The following PCLO variants were observed in gnomAD, a reference collection of about 807,000 sequenced individuals.
The protein encoded by PCLO is protein piccolo.
In PCLO, 82 loss-of-function variants were observed where a neutral mutation model predicts 427.5. The observed-to-expected ratio is 0.19, with a 90% CI of 0.16 to 0.23. The LOEUF (loss-of-function observed/expected upper bound fraction) is 0.23. Ranked by LOEUF, PCLO falls within the 10% of genes least tolerant of loss-of-function variation. The probability of loss-of-function intolerance (pLI) is 1.00; values close to 1 mark genes in which losing one functional copy is unlikely to be tolerated. For missense variants in PCLO, 6,239 were observed against 6,115.9 expected (o/e 1.02, Z -0.67); for synonymous variants, 2,357 against 2,155.4 (o/e 1.09, Z -2.59).
intron 3 of PCLO, among the ~76,000 whole-genome samples, chr7:83,013,628 T>G (rs2116008395): frequency 6.6e-6 from 1 of 152,304 alleles, no homozygotes; most frequent in Admixed American, 6.5e-5. Flanking sequence ...GATTTCACAG[T>G]AGGGTAGCCC....
At chr7:82,847,096 G>A in intron 11 of PCLO, 43 bp downstream of exon 11, 1 of 1,081,252 alleles carries the variant, frequency 9.2e-7, no homozygotes. Flanking sequence ...AAAGAGTCAT[G>A]GATAGCCAAA....
chr7:83,013,492 T>C (rs1392505419), intron 3 of PCLO, among the ~76,000 whole-genome samples: 1 of 152,172 alleles, frequency 6.6e-6, no homozygotes, highest in East Asian at 1.9e-4. Context: ...GTGCCTTGCA[T>C]AGTGTCTACA....
chr7:82,882,761 T>G (rs1265948266), intron 9 of PCLO, among the ~76,000 whole-genome samples: 17 of 152,112 alleles, frequency 1.1e-4, no homozygotes, highest in Admixed American at 1.0e-3. Flanking sequence ...TTATAAGTAT[T>G]TGATAAATAT....
chr7:83,083,792 T>C (rs1049726722), intron 3 of PCLO, among the ~76,000 whole-genome samples: 21 of 152,230 alleles, frequency 1.4e-4, no homozygotes, highest in Non-Finnish European at 1.3e-4. Flanking sequence ...TCAAACATAT[T>C]TGCAACTATT....
In PCLO at chr7:83,004,473, C is replaced by T. The variant is rs745923664; in HGVS notation, c.3301-37986G>A. 1.5e-4 allele frequency among the ~76,000 whole-genome samples: 14 copies of T among 91,710 alleles called. No individual in the cohort carries two copies. The South Asian group carries it at 1.6e-3, about 10-fold the overall frequency. The allele number at this position is 91,710 out of a possible 152,430, so 60.2% of individuals were successfully genotyped here. ...CCACATGAAAAATAATGAAATTGGACGCTTACACATGTGTCTTACACCATA... is the reference window on the plus strand; with the variant it reads ...CCACATGAAAAATAATGAAATTGGATGCTTACACATGTGTCTTACACCATA... On this transcript the variant is annotated intron_variant, in intron 3 of 24. Coordinates refer to ENST00000333891, the MANE Select transcript of PCLO (RefSeq NM_033026.6).
rs1266065993 is a variant in PCLO at position 82,949,806 on chromosome 7, T to C, written c.10782A>G (p.Thr3594=). 2 of 1,613,732 alleles carry C rather than the reference T, an allele frequency of 1.2e-6. No individual in the cohort carries two copies. Among genetic ancestry groups the C allele is most frequent in the East Asian group, 4.5e-5 (2 of 44,836 alleles). Residue 3594 remains threonine, a synonymous_variant, in exon 6 of 25, where the codon ACA becomes ACG. Coordinates refer to ENST00000333891, the MANE Select transcript of PCLO (RefSeq NM_033026.6). ...GAGATGAATAACCAATCTCTAAAGG[T>C]GTTGGGCGTTTCTTGTCTTTGGGTG... The part of the protein sequence containing the change: ...TSPPKDKKRP[T]PLEIGYSSHL...
intron 18 of PCLO, among the ~76,000 whole-genome samples, chr7:82,824,861 A>G (rs1791896514): frequency 6.6e-6 from 1 of 151,972 alleles, no homozygotes; most frequent in Non-Finnish European, 1.5e-5. Flanking sequence ...AGGCAGGAGA[A>G]TGGCATGAAC....
intron 20 of PCLO, among the ~76,000 whole-genome samples, chr7:82,818,936 C>T (rs1791733466): frequency 2.0e-5 from 3 of 152,156 alleles, no homozygotes; most frequent in Admixed American, 2.0e-4. Context: ...ACTTTTATCT[C>T]AACACTTATG....
intron 3 of PCLO, among the ~76,000 whole-genome samples, chr7:83,043,920 T>TTTTTTTTTTTTTTTTTC (rs1789038167): frequency 9.5e-6 from 1 of 105,170 alleles, no homozygotes; most frequent in Non-Finnish European, 2.0e-5. Flanking sequence ...TTCTTTTTTT[T>TTTTTTTTTTTTTTTTTC]TTTTTTTTTT....
chr7:82,923,161 ATGAT>A (rs899431224), intron 6 of PCLO, among the ~76,000 whole-genome samples: 5 of 152,056 alleles, frequency 3.3e-5, no homozygotes, highest in East Asian at 1.9e-4. Context: ...ATAAGAGAGA[ATGAT>A]TGATTAAGAT....
chr7:83,002,618 T>G (rs1787851483), intron 3 of PCLO, among the ~76,000 whole-genome samples: 1 of 151,930 alleles, frequency 6.6e-6, no homozygotes, highest in Non-Finnish European at 1.5e-5. Flanking sequence ...TTTAAAATAC[T>G]CAGAATTGTT....
intron 10 of PCLO, among the ~76,000 whole-genome samples, chr7:82,853,110 C>A (rs1792708212): frequency 6.6e-6 from 1 of 152,044 alleles, no homozygotes; most frequent in Non-Finnish European, 1.5e-5. Context: ...TCTCTTTACC[C>A]ATTTATAAAA....
intron 2 of PCLO, among the ~76,000 whole-genome samples, chr7:83,140,704 G>C (rs967539132): frequency 6.6e-6 from 1 of 152,136 alleles, no homozygotes; most frequent in Non-Finnish European, 1.5e-5. Flanking sequence ...ACCCTACTTT[G>C]TACCTTAGGC....
chr7:82,893,455 G>A (rs1793823015), intron 9 of PCLO, among the ~76,000 whole-genome samples: 1 of 151,976 alleles, frequency 6.6e-6, no homozygotes, highest in Admixed American at 6.6e-5. Context: ...GATAGCATTA[G>A]GAGATACACC....
intron 9 of PCLO, among the ~76,000 whole-genome samples, chr7:82,887,564 G>C (rs1329170796): frequency 6.6e-6 from 1 of 152,108 alleles, no homozygotes; most frequent in African/African-American, 2.4e-5. Context: ...CCTCCAGCTG[G>C]AAGCAAAGCC....
At chr7:83,158,348 T>C (rs768899174) in intron 1 of PCLO, among the ~76,000 whole-genome samples, 44 of 152,018 alleles carry the variant, frequency 2.9e-4, no homozygotes, top group South Asian at 2.1e-4. Flanking sequence ...TATTCAGACC[T>C]TGACATTATT....
rs1182744821 is a variant in PCLO, at chr7:82,956,015, T to C, written c.4938A>G (p.Arg1646=). ...CTTCACTTTCCTGACTTTTAGTTTCTCTGTATTTAAGTTCAGGACTTTCAT... is the reference window on the plus strand; with the variant it reads ...CTTCACTTTCCTGACTTTTAGTTTCCCTGTATTTAAGTTCAGGACTTTCAT... The part of the protein sequence containing the change: ...AFDESPELKY[R]ETKSQESEEL... The change falls in exon 5 of 25, where the codon AGA becomes AGG. Residue 1646 remains arginine, a synonymous_variant. Coordinates refer to ENST00000333891, the MANE Select transcript of PCLO (RefSeq NM_033026.6). 3.7e-6 allele frequency: 6 copies of C among 1,613,328 alleles called. No homozygotes were observed. In the East Asian group the frequency reaches 1.1e-4, roughly 30 times the overall value.
Position 82,955,386 on chromosome 7 carries a change from CAAG to C in PCLO, c.5564_5566del (p.Ser1855del), listed in dbSNP as rs763002987. ...CTCTATGCTAGGTGAATATTCAGAA[CAAG>C]AAGATCTATGGAGCTCCTCCATTTC... On this transcript the variant is annotated inframe_deletion, in exon 5 of 25. Transcript: ENST00000333891. 2.5e-6 allele frequency: 4 copies of C among 1,613,800 alleles called. No individual in the cohort carries two copies. The highest frequency in any genetic ancestry group is 2.2e-5 in the South Asian group (2 of 91,060).
At chr7:82,926,572 CT>C (rs1408571629) in intron 6 of PCLO, among the ~76,000 whole-genome samples, 9 of 152,268 alleles carry the variant, frequency 5.9e-5, no homozygotes, top group South Asian at 2.1e-4. Context: ...GAAAACAGCA[CT>C]CAGTGTTTTA....
Sources: allele counts gnomAD v4.1 joint callset (sites outside exome capture counted in the v4.1 genomes callset), GRCh38; gene constraint gnomAD v4.1.1; transcripts MANE v1.5; gene names NCBI Gene and HGNC (gene_info 2026-07-23, HGNC 2026-07-21).